The following CENPS variants were observed in gnomAD, a reference collection of about 807,000 sequenced individuals.
CENPS encodes centromere protein S.
In CENPS, 16 loss-of-function variants were observed where a neutral mutation model predicts 17.9. That is an observed-to-expected ratio of 0.90 (90% CI 0.61 to 1.36). The LOEUF (loss-of-function observed/expected upper bound fraction) is 1.36. CENPS is among the 40% of genes most tolerant of loss of function. The pLI is 0.00. For synonymous variants in CENPS, 49 were observed against 55.8 expected (o/e 0.88, Z 0.54); for missense variants, 160 against 158.6 (o/e 1.01, Z -0.05).
chr1:10,437,400 CTTT>C (rs199866573), intron 3 of CENPS, among the ~76,000 whole-genome samples: 4 of 142,588 alleles, frequency 2.8e-5, no homozygotes, highest in Admixed American at 6.9e-5. Flanking sequence ...TTTCTTATTT[CTTT>C]TTTTTTTTTT....
chr1:10,434,995 C>A (rs1640084446), intron 3 of CENPS, among the ~76,000 whole-genome samples: 1 of 152,214 alleles, frequency 6.6e-6, no homozygotes, highest in Admixed American at 6.5e-5. Flanking sequence ...GTATTAAAAA[C>A]CATGTCTTCG....
chr1:10,439,349 T>C (rs76515110), intron 3 of CENPS, among the ~76,000 whole-genome samples: 1,608 of 152,298 alleles, frequency 0.011, 35 homozygotes, highest in African/African-American at 0.037. Context: ...AATATATTAT[T>C]GAATCGAGCT....
In CENPS at chr1:10,442,504, A is replaced by T. The variant is rs1640460109; in HGVS notation, c.*99A>T. The T allele has an allele frequency of 7.3e-7, 1 of 1,366,184 alleles. No individual in the cohort carries two copies. The highest frequency in any genetic ancestry group is 1.5e-5 in the African/African-American group (1 of 66,366). The allele number at this position is 1,366,184 out of a possible 1,614,324, so 84.6% of individuals were successfully genotyped here. ...ACTTTGAAGGGTTAAATAGAGATTT[A>T]AAAAAATAAAATAAAAAGGCTGGGC... On this transcript the variant is annotated 3_prime_UTR_variant, in exon 5 of 5. Transcript: ENST00000309048.
intron 1 of CENPS, among the ~76,000 whole-genome samples, chr1:10,433,208 C>G (rs1639999421): frequency 6.6e-6 from 1 of 152,176 alleles, no homozygotes; most frequent in African/African-American, 2.4e-5. Flanking sequence ...ATCCTCCCCT[C>G]TCGGTAATTT....
In CENPS at chr1:10,438,248, G is replaced by A. The variant is rs559034783; in HGVS notation, c.210-2099G>A. Among the ~76,000 whole-genome samples the A allele has an allele frequency of 2.4e-4, 36 of 152,240 alleles. No homozygotes were observed. The East Asian group carries it at 4.3e-3, about 18-fold the overall frequency. On this transcript the variant is annotated intron_variant, in intron 3 of 4. Transcript: ENST00000309048. Reference sequence around the variant, plus strand: ...CAGTCTCCGTCTCCTGGGTTCAAGCGATTCGCCTTTCTCAGCCTCCCAAGT... The same window carrying A: ...CAGTCTCCGTCTCCTGGGTTCAAGCAATTCGCCTTTCTCAGCCTCCCAAGT...
In CENPS at chr1:10,435,914, TAGAA is replaced by T. The variant is rs541526213; in HGVS notation, c.209+1228_209+1231del. ...AAAAATTCTATTTAAAAAATGAAATTAGAAAGAGCATGGTAACACATTAGGCTTT... is the reference window on the plus strand; with the variant it reads ...AAAAATTCTATTTAAAAAATGAAATTAGAGCATGGTAACACATTAGGCTTT... On this transcript the variant is annotated intron_variant, in intron 3 of 4. Coordinates refer to ENST00000309048, the MANE Select transcript of CENPS (RefSeq NM_199294.3). 4.4e-4 allele frequency among the ~76,000 whole-genome samples: 67 copies of T among 151,940 alleles called. 1 individual carries two copies. The highest frequency in any genetic ancestry group is 1.4e-3 in the African/African-American group (60 of 41,456).
intron 1 of CENPS, among the ~76,000 whole-genome samples, chr1:10,432,130 C>T (rs1324888435): frequency 2.6e-5 from 4 of 151,828 alleles, no homozygotes; most frequent in Non-Finnish European, 5.9e-5. Context: ...TCTTGTTGTC[C>T]AGGCTGGAGT....
In CENPS at chr1:10,433,425, A is replaced by G. The variant is rs116332340; in HGVS notation, c.52-417A>G. Among the ~76,000 whole-genome samples, 288 of 152,168 alleles carry G rather than the reference A, an allele frequency of 1.9e-3. 2 individuals are homozygous for G. The highest frequency in any genetic ancestry group is 6.8e-3 in the African/African-American group (282 of 41,522). ...CAGCAGAGGGATGGGATCCTTCTGT[A>G]TTGTTGATTAACTGCCTTAAGGGCA... On this transcript the variant is annotated intron_variant, in intron 1 of 4. Transcript: ENST00000309048.
At position 10,441,313 on chromosome 1, in the gene CENPS, C is replaced by CTTT. The variant is rs747986112; in HGVS notation, c.276+921_276+923dup. Among the ~76,000 whole-genome samples the CTTT allele has an allele frequency of 8.7e-4, 95 of 109,536 alleles. 1 individual carries two copies. Among genetic ancestry groups the CTTT allele is most frequent in the East Asian group, 1.9e-3 (7 of 3,732 alleles). 71.9% of individuals were successfully genotyped at this position (109,536 alleles called of 152,430 possible). A position where few individuals can be genotyped will look rare whatever the true frequency, so the allele number is the denominator to read the frequency against. On this transcript the variant is annotated intron_variant, in intron 4 of 4. Transcript: ENST00000309048. ...CCAGGATTACAGGCATGTGCCACAA[C>CTTT]TTTTTTTTTTTTTTTTTTTTTTTGA...
chr1:10,434,279 C>G (rs1002561706), intron 2 of CENPS, among the ~76,000 whole-genome samples: 2 of 152,072 alleles, frequency 1.3e-5, no homozygotes, highest in Non-Finnish European at 2.9e-5. Context: ...TTTATATCAC[C>G]CATAGTTTCT....
intron 3 of CENPS, among the ~76,000 whole-genome samples, chr1:10,439,221 T>C (rs991710957): frequency 1.3e-5 from 2 of 152,222 alleles, no homozygotes; most frequent in Admixed American, 6.5e-5. Context: ...GGACTCACCA[T>C]GTGTGCTGGC....
intron 3 of CENPS, among the ~76,000 whole-genome samples, chr1:10,436,845 C>T (rs1640188225): frequency 6.6e-6 from 1 of 152,136 alleles, no homozygotes; most frequent in Non-Finnish European, 1.5e-5. Context: ...ACCCCCTCTT[C>T]TTAGCACAAC....
intron 1 of CENPS, chr1:10,431,191 C>T: frequency 2.7e-6 from 4 of 1,495,390 alleles, no homozygotes; most frequent in Non-Finnish European, 3.5e-6. Flanking sequence ...CAGCGCCGGG[C>T]ATATGGGGCG....
chr1:10,438,391 C>G (rs1352124700), intron 3 of CENPS, among the ~76,000 whole-genome samples: 1 of 151,770 alleles, frequency 6.6e-6, no homozygotes, highest in Non-Finnish European at 1.5e-5. Flanking sequence ...ATGATCCACC[C>G]ACCTCGGCCT....
At chr1:10,430,691 C>T (rs944359381) in intron 1 of CENPS, 123 bp downstream of exon 1, 10 of 1,401,514 alleles carry the variant, frequency 7.1e-6, no homozygotes, top group Non-Finnish European at 9.2e-6. Flanking sequence ...CCCCCCGCGG[C>T]TGCGCATGCG....
chr1:10,431,524 C>G (rs1639913632), intron 1 of CENPS: 2 of 1,226,626 alleles, frequency 1.6e-6, no homozygotes, highest in Admixed American at 4.6e-5. Context: ...TTTGACACTT[C>G]GCCTTTACAT....
At chr1:10,440,219 C>G (rs931448859) in intron 3 of CENPS, 128 bp from the exon 4 acceptor site, 3 of 1,266,470 alleles carry the variant, frequency 2.4e-6, no homozygotes, top group Non-Finnish European at 3.2e-6. Flanking sequence ...GCTTAATGCC[C>G]TTTATCTAAA....
At position 10,442,377 on chromosome 1, in the gene CENPS, A is replaced by G; in HGVS notation, c.389A>G (p.Glu130Gly). ...AGCAAAAATTCAAGGCAGCCAGCAG[A>G]GGCTGGAGTGGTGGAAAGTGAGAAT... ...DGSKNSRQPA[E>G]AGVVESEN The change falls in exon 5 of 5, where the codon GAG becomes GGG. Residue 130 changes from glutamate to glycine, a missense_variant. Physicochemically the swap from Glu to Gly is moderately conservative, Grantham distance 98. Coordinates refer to ENST00000309048, the MANE Select transcript of CENPS (RefSeq NM_199294.3). 1 of 1,596,912 alleles carries G rather than the reference A, an allele frequency of 6.3e-7. No individual in the cohort carries two copies. Among genetic ancestry groups the G allele is most frequent in the Non-Finnish European group, 8.5e-7 (1 of 1,175,696 alleles).
At chr1:10,431,477 C>T in intron 1 of CENPS, 1 of 1,463,560 alleles carries the variant, frequency 6.8e-7, no homozygotes, top group Non-Finnish European at 9.2e-7. Context: ...CCATGCTTCC[C>T]TCCCAGCCCC....
Sources: gnomAD v4.1 joint callset for allele counts (sites outside exome capture counted in the v4.1 genomes callset) on GRCh38, gnomAD v4.1.1 for gene constraint, MANE v1.5 for transcripts, NCBI Gene and HGNC (gene_info 2026-07-23, HGNC 2026-07-21) for gene names.